Variants in ZNF664 observed in about 807,000 individuals in gnomAD.
ZNF664 encodes the protein zinc finger protein 664.
Under a neutral mutation model 18.2 loss-of-function variants are expected in ZNF664, and 10 were observed. The observed-to-expected ratio is 0.55, with a 90% CI of 0.34 to 0.93. The LOEUF (loss-of-function observed/expected upper bound fraction) is 0.93. ZNF664 is among the 40% of genes least tolerant of loss of function. The probability of loss-of-function intolerance (pLI) is 0.02; values close to 1 mark genes in which losing one functional copy is unlikely to be tolerated. For synonymous variants in ZNF664, 119 were observed against 104.2 expected (o/e 1.14, Z -0.86); for missense variants, 193 against 319.0 (o/e 0.61, Z 3.01).
At chr12:123,984,080 A>G (rs1178037305) in intron 2 of ZNF664, among the ~76,000 whole-genome samples, 1 of 152,222 alleles carries the variant, frequency 6.6e-6, no homozygotes, top group Middle Eastern at 3.2e-3. Flanking sequence ...GTGGACTCCT[A>G]GCAAAGCTTT....
In ZNF664 at chr12:124,012,329, A is replaced by G; in HGVS notation, c.185A>G (p.Asp62Gly). ...ACAGGAGAGAAGGTCTATAAATGTG[A>G]TGATTGTGGTAAGGATTTTAGCACT... ...DHTGEKVYKC[D>G]DCGKDFSTTT... The change falls in exon 5 of 5, where the codon GAT becomes GGT. Residue 62 changes from aspartate (D) to glycine (G), a missense_variant. Asp to Gly is a moderately conservative substitution (Grantham distance 94, BLOSUM62 -1). Transcript: ENST00000337815. 3 of 1,614,272 alleles carry G rather than the reference A, an allele frequency of 1.9e-6. No individual in the cohort carries two copies. Among genetic ancestry groups the G allele is most frequent in the Non-Finnish European group, 2.5e-6 (3 of 1,180,048 alleles).
In ZNF664 at chr12:124,012,255, T is replaced by C. The variant is rs1464933640; in HGVS notation, c.111T>C (p.Asp37=). 6.2e-7 allele frequency: 1 copy of C among 1,614,116 alleles called. No homozygotes were observed. Among genetic ancestry groups the C allele is most frequent in the Admixed American group, 1.7e-5 (1 of 60,010 alleles). Residue 37 remains aspartate, a synonymous_variant, in exon 5 of 5, where the codon GAT becomes GAC. Coordinates refer to ENST00000337815, the MANE Select transcript of ZNF664 (RefSeq NM_152437.3). ...AEKPHKCDKC[D]KGFFHISELH... is the part of the protein sequence containing the mutation. ...AGCCCCATAAATGTGACAAGTGTGA[T>C]AAGGGTTTCTTTCATATATCAGAAC...
At chr12:123,996,206 A>T (rs1477841708) in intron 3 of ZNF664, among the ~76,000 whole-genome samples, 7 of 152,240 alleles carry the variant, frequency 4.6e-5, no homozygotes, top group Admixed American at 3.9e-4. Flanking sequence ...CAACCTTAAG[A>T]GATGCAAGTA....
At chr12:123,992,479 C>G (rs1956899919) in intron 3 of ZNF664, among the ~76,000 whole-genome samples, 1 of 152,188 alleles carries the variant, frequency 6.6e-6, no homozygotes, top group African/African-American at 2.4e-5. Flanking sequence ...GAATCCTGCT[C>G]AGAGTCAGAA....
chr12:123,989,582 T>C (rs531615245), intron 3 of ZNF664: 33 of 152,340 alleles, frequency 2.2e-4, no homozygotes, highest in African/African-American at 1.7e-4. Flanking sequence ...GAATGCTGCA[T>C]TGGAAATTGG....
At chr12:123,978,982 T>C (rs1296084760) in intron 2 of ZNF664, among the ~76,000 whole-genome samples, 1 of 152,134 alleles carries the variant, frequency 6.6e-6, no homozygotes, top group Non-Finnish European at 1.5e-5. Flanking sequence ...ACATTCAAAA[T>C]AACTTAGATG....
At position 124,012,434 on chromosome 12, in the gene ZNF664, A is replaced by G. The variant is rs748109445; in HGVS notation, c.290A>G (p.Asn97Ser). 14 of 1,614,222 alleles carry G rather than the reference A, an allele frequency of 8.7e-6. No homozygotes were observed. The highest frequency in any genetic ancestry group is 2.2e-5 in the East Asian group (1 of 44,892). The part of the protein sequence containing the change: ...YKCYECGKAF[N>S]WSSHLQIHMR... ...TGTTACGAGTGTGGCAAAGCCTTCA[A>G]TTGGAGCTCCCATCTTCAAATTCAT... Residue 97 changes from asparagine (N) to serine (S), a missense_variant, in exon 5 of 5, where the codon AAT (asparagine) becomes AGT (serine). By Grantham distance (46) the Asn-to-Ser change is conservative (BLOSUM62 1). Coordinates refer to ENST00000337815, the MANE Select transcript of ZNF664 (RefSeq NM_152437.3).
chr12:123,974,462 C>T (rs1372547582), intron 2 of ZNF664: 1 of 155,130 alleles, frequency 6.4e-6, no homozygotes, highest in Non-Finnish European at 1.4e-5. Context: ...GAGAGGGCTC[C>T]TATTTCCTTC....
In ZNF664 at chr12:124,013,167, G is replaced by A. The variant is rs1957152516; in HGVS notation, c.*237G>A. On this transcript the variant is annotated 3_prime_UTR_variant, in exon 5 of 5. Coordinates refer to ENST00000337815, the MANE Select transcript of ZNF664 (RefSeq NM_152437.3). ...TGGCTCTCAGGTCCCAGTCACAGAC[G>A]TCGCTTCCTGGGATTCCAGCACGAT... The A allele has an allele frequency of 6.9e-6, 4 of 578,970 alleles. No homozygotes were observed. The highest frequency in any genetic ancestry group is 2.3e-5 in the South Asian group (1 of 43,410). The allele number at this position is 578,970 out of a possible 1,614,324, so 35.9% of individuals were successfully genotyped here.
chr12:123,977,684 C>T (rs182677039), intron 2 of ZNF664, among the ~76,000 whole-genome samples: 20 of 152,102 alleles, frequency 1.3e-4, no homozygotes, highest in East Asian at 9.6e-4. Flanking sequence ...TTGGGGTGAA[C>T]GTGGTAGAAT....
At chr12:124,005,483 ATGTGTGTGTGTGTGTGTGTGTGTG>A (rs202223166) in intron 3 of ZNF664, among the ~76,000 whole-genome samples, 1 of 142,814 alleles carries the variant, frequency 7.0e-6, no homozygotes, top group Non-Finnish European at 1.5e-5. Context: ...AATTTATAGA[ATGTGTGTGTGTGTGTGTGTGTGTG>A]TGTGTGTGTG....
intron 3 of ZNF664, among the ~76,000 whole-genome samples, chr12:123,992,166 G>A (rs1396499689): frequency 6.6e-6 from 1 of 152,170 alleles, no homozygotes; most frequent in Admixed American, 6.5e-5. Flanking sequence ...ATGCGGGGCA[G>A]TAAGGAAAGG....
chr12:123,984,524 C>T (rs949901469), intron 2 of ZNF664, among the ~76,000 whole-genome samples: 1 of 151,880 alleles, frequency 6.6e-6, no homozygotes, highest in Non-Finnish European at 1.5e-5. Context: ...TGCTGTTTTT[C>T]CTTAAGGTTG....
At chr12:123,995,691 G>A (rs973864051) in intron 3 of ZNF664, among the ~76,000 whole-genome samples, 1 of 152,210 alleles carries the variant, frequency 6.6e-6, no homozygotes, top group Non-Finnish European at 1.5e-5. Context: ...GGAAGGGGAC[G>A]TGGAGGAACC....
chr12:124,005,126 C>CT (rs1160014948), intron 3 of ZNF664, among the ~76,000 whole-genome samples: 1 of 152,188 alleles, frequency 6.6e-6, no homozygotes, highest in Non-Finnish European at 1.5e-5. Flanking sequence ...TAAGCAAAGG[C>CT]TTCCTGGCTT....
chr12:123,977,660 T>C (rs1033564654), intron 2 of ZNF664, among the ~76,000 whole-genome samples: 7 of 152,144 alleles, frequency 4.6e-5, no homozygotes, highest in Non-Finnish European at 7.3e-5. Flanking sequence ...CTGCATGTTA[T>C]GGAGATGCTC....
intron 3 of ZNF664, among the ~76,000 whole-genome samples, chr12:123,994,755 C>T (rs1470806809): frequency 1.3e-5 from 2 of 152,294 alleles, no homozygotes; most frequent in Admixed American, 6.5e-5. Flanking sequence ...ATGAACTTTT[C>T]GTACTCTGGT....
At position 123,974,027 on chromosome 12, in the gene ZNF664, C is replaced by G. The variant is rs1446057017; in HGVS notation, c.-757+7C>G. 2.0e-6 allele frequency: 2 copies of G among 1,004,132 alleles called. No individual in the cohort carries two copies. The highest frequency in any genetic ancestry group is 2.5e-6 in the Non-Finnish European group (2 of 788,400). The allele number at this position is 1,004,132 out of a possible 1,614,324, so 62.2% of individuals were successfully genotyped here. On this transcript the variant is annotated splice_region_variant and intron_variant, in intron 2 of 4. Transcript: ENST00000337815. ...GGGCCGGATTCTCACCCAGGTAAACCGGCTGCCGGCGCTGTCCACTTCCCT... is the reference window on the plus strand; with the variant it reads ...GGGCCGGATTCTCACCCAGGTAAACGGGCTGCCGGCGCTGTCCACTTCCCT...
chr12:123,979,041 T>C (rs1956729585), intron 2 of ZNF664, among the ~76,000 whole-genome samples: 2 of 152,140 alleles, frequency 1.3e-5, no homozygotes, highest in African/African-American at 2.4e-5. Flanking sequence ...GAAGGAAATA[T>C]AAGAGAATTT....
Sources: allele counts gnomAD v4.1 joint callset (sites outside exome capture counted in the v4.1 genomes callset), GRCh38; gene constraint gnomAD v4.1.1; transcripts MANE v1.5; gene names NCBI Gene and HGNC (gene_info 2026-07-23, HGNC 2026-07-21).